The following AUTS2 variants were observed in gnomAD, a reference collection of about 807,000 sequenced individuals.
AUTS2 encodes activator of transcription and developmental regulator AUTS2.
AUTS2 carries 17 observed loss-of-function variants against 112.4 expected under a neutral mutation model. The observed-to-expected ratio is 0.15, with a 90% CI of 0.10 to 0.23. AUTS2 has a LOEUF of 0.23. AUTS2 is among the 10% of genes least tolerant of loss of function. The probability of loss-of-function intolerance (pLI) is 1.00; values close to 1 mark genes in which losing one functional copy is unlikely to be tolerated. For missense variants in AUTS2, 1,510 were observed against 1,701.6 expected (o/e 0.89, Z 1.98); for synonymous variants, 751 against 702.7 (o/e 1.07, Z -1.09).
At chr7:69,645,075 A>AT (rs34549998) in intron 1 of AUTS2, among the ~76,000 whole-genome samples, 3,697 of 139,640 alleles carry the variant, frequency 0.026, 151 homozygotes, top group African/African-American at 0.084. Context: ...CACCCAGTTA[A>AT]TTTTTTTTTT....
intron 6 of AUTS2, among the ~76,000 whole-genome samples, chr7:70,754,990 G>C (rs1044170473): frequency 6.6e-6 from 1 of 152,216 alleles, no homozygotes; most frequent in African/African-American, 2.4e-5. Flanking sequence ...CTTTGGGAGA[G>C]TTGGTTTTTT....
chr7:70,070,303 G>A (rs1802695202), intron 2 of AUTS2, among the ~76,000 whole-genome samples: 2 of 152,020 alleles, frequency 1.3e-5, no homozygotes, highest in Non-Finnish European at 2.9e-5. Flanking sequence ...TGGATGCTGG[G>A]CGCAGTGGCC....
intron 1 of AUTS2, among the ~76,000 whole-genome samples, chr7:69,754,450 T>C (rs1787867154): frequency 6.6e-6 from 1 of 152,290 alleles, no homozygotes; most frequent in South Asian, 2.1e-4. Context: ...TCTGTTGGAA[T>C]AGGGATTTGT....
chr7:69,715,048 A>G (rs1330271276), intron 1 of AUTS2, among the ~76,000 whole-genome samples: 1 of 151,980 alleles, frequency 6.6e-6, no homozygotes, highest in Non-Finnish European at 1.5e-5. Flanking sequence ...CAGTATCCTC[A>G]GTTGTGCTCA....
At chr7:70,134,647 T>A in intron 4 of AUTS2, 76 bp downstream of exon 4, 1 of 1,342,070 alleles carries the variant, frequency 7.5e-7, no homozygotes, top group Non-Finnish European at 1.1e-6. Context: ...CTCATTGGGA[T>A]ATGAAAAAAA....
chr7:70,297,636 G>T (rs562302518), intron 4 of AUTS2, among the ~76,000 whole-genome samples: 1 of 151,446 alleles, frequency 6.6e-6, no homozygotes, highest in African/African-American at 2.4e-5. Context: ...GGGTTTCACC[G>T]TGTTAGCCAG....
At chr7:69,833,428 A>G (rs980796345) in intron 1 of AUTS2, among the ~76,000 whole-genome samples, 6 of 152,032 alleles carry the variant, frequency 3.9e-5, no homozygotes, top group Non-Finnish European at 7.4e-5. Flanking sequence ...AAGCTCTATT[A>G]TATTATCTCA....
At chr7:69,681,241 CCTG>C (rs1396598964) in intron 1 of AUTS2, among the ~76,000 whole-genome samples, 3 of 152,180 alleles carry the variant, frequency 2.0e-5, no homozygotes, top group Admixed American at 6.5e-5. Flanking sequence ...TCTTCAAGAT[CCTG>C]CTATCACTTC....
chr7:69,927,258 A>T (rs1212637761), intron 2 of AUTS2, among the ~76,000 whole-genome samples: 3 of 149,424 alleles, frequency 2.0e-5, no homozygotes, highest in Non-Finnish European at 4.4e-5. Context: ...ATGATGTTAT[A>T]TCACTTCATG....
intron 2 of AUTS2, among the ~76,000 whole-genome samples, chr7:70,039,000 C>G (rs1393549155): frequency 6.6e-6 from 1 of 152,004 alleles, no homozygotes; most frequent in Non-Finnish European, 1.5e-5. Context: ...CTCAGGTGAT[C>G]CACCTGCCTT....
intron 2 of AUTS2, among the ~76,000 whole-genome samples, chr7:70,103,068 T>C (rs930129609): frequency 6.6e-6 from 1 of 152,232 alleles, no homozygotes; most frequent in Non-Finnish European, 1.5e-5. Flanking sequence ...TAATTATTTA[T>C]ATCTGTTTGC....
intron 2 of AUTS2, among the ~76,000 whole-genome samples, chr7:69,991,092 T>A (rs941255037): frequency 6.6e-6 from 1 of 152,082 alleles, no homozygotes; most frequent in African/African-American, 2.4e-5. Flanking sequence ...CTAGTAAAAA[T>A]GAAAGAGAGT....
At chr7:69,654,737 C>T (rs774207511) in intron 1 of AUTS2, among the ~76,000 whole-genome samples, 1 of 152,088 alleles carries the variant, frequency 6.6e-6, no homozygotes, top group Non-Finnish European at 1.5e-5. Context: ...TACCCTTTTA[C>T]ATCAACCTAA....
chr7:70,653,699 A>ATG (rs1274725230), intron 5 of AUTS2, among the ~76,000 whole-genome samples: 1 of 152,238 alleles, frequency 6.6e-6, no homozygotes, highest in Non-Finnish European at 1.5e-5. Context: ...GAGCTTGCCC[A>ATG]TGATGGCTAC....
At chr7:70,733,825 A>G (rs1038853643) in intron 6 of AUTS2, among the ~76,000 whole-genome samples, 1 of 151,902 alleles carries the variant, frequency 6.6e-6, no homozygotes, top group East Asian at 2.0e-4. Flanking sequence ...GACCTCAAGT[A>G]ATCCTCCTGC....
rs569720121 is a variant in AUTS2 at position 70,791,157 on chromosome 7, T to C, written c.*161T>C. On this transcript the variant is annotated 3_prime_UTR_variant, in exon 19 of 19. Transcript: ENST00000342771. The stretch of plus-strand genomic sequence containing the variant: ...AGACTCAGTGCACATTTTGAAATGT[T>C]TTGTATATTATATGTTGAGATTTTT... 3.0e-6 allele frequency: 2 copies of C among 664,584 alleles called. No individual in the cohort carries two copies. Among genetic ancestry groups the C allele is most frequent in the African/African-American group, 3.7e-5 (2 of 53,476 alleles). The allele number at this position is 664,584 out of a possible 1,614,324, so 41.2% of individuals were successfully genotyped here. A position where few individuals can be genotyped will look rare whatever the true frequency, so the allele number is the denominator to read the frequency against.
chr7:70,259,176 G>T (rs1266086717), intron 4 of AUTS2, among the ~76,000 whole-genome samples: 1 of 152,090 alleles, frequency 6.6e-6, no homozygotes, highest in Non-Finnish European at 1.5e-5. Flanking sequence ...TGCGAGCATG[G>T]TATGCATTCT....
chr7:70,788,472 T>TATGAC (rs1791663038), intron 18 of AUTS2, among the ~76,000 whole-genome samples: 1 of 152,200 alleles, frequency 6.6e-6, no homozygotes, highest in Admixed American at 6.5e-5. Flanking sequence ...GAGGAATGTT[T>TATGAC]ATGACATTCA....
intron 5 of AUTS2, among the ~76,000 whole-genome samples, chr7:70,581,353 T>A (rs1192455859): frequency 6.6e-6 from 1 of 152,086 alleles, no homozygotes; most frequent in Non-Finnish European, 1.5e-5. Flanking sequence ...GCCATTGCAT[T>A]CCAGCCTGGG....
Sources: allele counts gnomAD v4.1 joint callset (sites outside exome capture counted in the v4.1 genomes callset), GRCh38; gene constraint gnomAD v4.1.1; transcripts MANE v1.5; gene names NCBI Gene and HGNC (gene_info 2026-07-23, HGNC 2026-07-21).